Variants in FAM168B observed in about 807,000 individuals in gnomAD.
FAM168B encodes family with sequence similarity 168 member B, also known as myelin-associated neurite-outgrowth inhibitor.
A neutral mutation model predicts 21.8 loss-of-function variants in FAM168B; 19 were observed. The ratio of observed to expected loss-of-function variants is 0.87; its 90% CI spans 0.61 to 1.28. The LOEUF is 1.28. Ranked by LOEUF, FAM168B falls within the 50% of genes most tolerant of loss-of-function variation. The probability of loss-of-function intolerance (pLI) is 0.00; values close to 1 mark genes in which losing one functional copy is unlikely to be tolerated. For missense variants in FAM168B, 233 were observed against 263.1 expected, an observed-to-expected ratio of 0.89 and a Z score of 0.79; for synonymous variants, 126 against 104.8, an observed-to-expected ratio of 1.20 and a Z score of -1.24.
At chr2:131,057,684 T>C (rs935449466) in intron 3 of FAM168B, among the ~76,000 whole-genome samples, 1 of 152,196 alleles carries the variant, frequency 6.6e-6, no homozygotes, top group African/African-American at 2.4e-5. Context: ...AGGTCAACGC[T>C]GCAGTGAGCT....
chr2:131,050,630 A>C lies in FAM168B; in HGVS notation c.*1835T>G. ...CAATGATCCATGCAAAAATATTCCT[A>C]AACTTCTTATAAAATAAGATGTGAA... On this transcript the variant is annotated 3_prime_UTR_variant, in exon 7 of 7. Transcript: ENST00000389915. 1.0e-6 allele frequency: 1 copy of C among 985,290 alleles called. No homozygotes were observed. Among genetic ancestry groups the C allele is most frequent in the Non-Finnish European group, 1.2e-6 (1 of 829,544 alleles). 61.0% of individuals were successfully genotyped at this position (985,290 alleles called of 1,614,324 possible).
intron 6 of FAM168B, 49 bp downstream of exon 6, chr2:131,052,842 G>A (rs1307561130): frequency 9.1e-6 from 14 of 1,540,344 alleles, no homozygotes; most frequent in Non-Finnish European, 1.2e-5. Context: ...ACTGTCCCAT[G>A]GAAATGCCCT....
At position 131,055,636 on chromosome 2, in the gene FAM168B, G is replaced by T; in HGVS notation, c.214C>A (p.Pro72Thr). The T allele has an allele frequency of 6.2e-7, 1 of 1,613,192 alleles. No individual in the cohort carries two copies. The highest frequency in any genetic ancestry group is 8.5e-7 in the Non-Finnish European group (1 of 1,179,592). The change falls in exon 4 of 7, where the codon CCG (proline) becomes ACG (threonine). Residue 72 changes from proline to threonine, a missense_variant. By Grantham distance (38) the Pro-to-Thr change is conservative. Transcript: ENST00000389915. ...SCSPTSGAVP[P>T]YSSSPNPYQT... is the part of the protein sequence containing the mutation. ...TAGGGGTTCGGGGAGGAGGAGTACG[G>T]TGGCACAGCCCCGCTGGTGGGGGAA...
intron 3 of FAM168B, 124 bp downstream of exon 3, chr2:131,071,731 A>C (rs1692879440): frequency 1.3e-6 from 1 of 797,788 alleles, no homozygotes; most frequent in Non-Finnish European, 2.1e-6. Flanking sequence ...CAACAGGCTA[A>C]CTTAATGAAC....
chr2:131,048,561 A>G lies in FAM168B; in HGVS notation c.*3904T>C. The G allele has an allele frequency of 9.0e-7, 1 of 1,111,968 alleles. No homozygotes were observed. The highest frequency in any genetic ancestry group is 1.1e-6 in the Non-Finnish European group (1 of 898,140). The allele number at this position is 1,111,968 out of a possible 1,614,324, so 68.9% of individuals were successfully genotyped here. ...AAGAGACAAACTTTCTGAAACATGC[A>G]GTTTCCGACCCAAATAGGCCACATA... On this transcript the variant is annotated 3_prime_UTR_variant, in exon 7 of 7. Transcript: ENST00000389915.
At chr2:131,088,426 G>A (rs1052107974) in intron 1 of FAM168B, among the ~76,000 whole-genome samples, 13 of 151,902 alleles carry the variant, frequency 8.6e-5, no homozygotes, top group Admixed American at 3.9e-4. Flanking sequence ...GGAAAAGGGG[G>A]CGGGAGAGGA....
intron 2 of FAM168B, among the ~76,000 whole-genome samples, chr2:131,078,421 T>G (rs574814760): frequency 3.7e-4 from 56 of 152,120 alleles, no homozygotes; most frequent in Non-Finnish European, 7.2e-4. Flanking sequence ...TAAAACAGGG[T>G]GCAAGAGACA....
chr2:131,088,755 AATC>A (rs1473431832), intron 1 of FAM168B, among the ~76,000 whole-genome samples: 1 of 152,244 alleles, frequency 6.6e-6, no homozygotes, highest in Non-Finnish European at 1.5e-5. Context: ...AAATGCTAAT[AATC>A]TTTACATCAA....
At position 131,069,357 on chromosome 2, in the gene FAM168B, C is replaced by T. The variant is rs1169611036; in HGVS notation, c.154+2498G>A. ...ATACGTATGCCAAAGATATAAACTT[C>T]AATCCATTCCTACCATCATACACAA... On this transcript the variant is annotated intron_variant, in intron 3 of 6. Transcript: ENST00000389915. 1.3e-5 allele frequency among the ~76,000 whole-genome samples: 2 copies of T among 152,234 alleles called. 1 individual carries two copies. The highest frequency in any genetic ancestry group is 3.8e-4 in the East Asian group (2 of 5,200).
At chr2:131,058,144 T>C (rs945584803) in intron 3 of FAM168B, among the ~76,000 whole-genome samples, 1 of 152,168 alleles carries the variant, frequency 6.6e-6, no homozygotes, top group African/African-American at 2.4e-5. Context: ...GCCTGGTCCA[T>C]ATATTTTGTT....
intron 2 of FAM168B, among the ~76,000 whole-genome samples, chr2:131,074,380 G>A (rs899858664): frequency 1.3e-5 from 2 of 152,086 alleles, no homozygotes; most frequent in African/African-American, 2.4e-5. Context: ...GCCCTCCTCG[G>A]CCTCCCAAAG....
intron 6 of FAM168B, 115 bp from the exon 7 acceptor site, chr2:131,052,567 T>G: frequency 1.2e-6 from 1 of 858,570 alleles, no homozygotes; most frequent in Non-Finnish European, 1.5e-6. Flanking sequence ...TGGGCAAAAC[T>G]GCTGGACCTG....
At chr2:131,077,212 T>TAAAAAAAAA in intron 2 of FAM168B, among the ~76,000 whole-genome samples, 1 of 130,280 alleles carries the variant, frequency 7.7e-6, no homozygotes. Flanking sequence ...CTATTACATT[T>TAAAAAAAAA]AAAAAAAAAA....
At position 131,051,578 on chromosome 2, in the gene FAM168B, T is replaced by G; in HGVS notation, c.*887A>C. 1.0e-6 allele frequency: 1 copy of G among 985,198 alleles called. No individual in the cohort carries two copies. The highest frequency in any genetic ancestry group is 1.2e-6 in the Non-Finnish European group (1 of 829,892). 61.0% of individuals were successfully genotyped at this position (985,198 alleles called of 1,614,324 possible). ...CTGTTTCTCTTTCACATTTCTTCCA[T>G]CCCAGGAAAATAATTTAGTTTTACA... is the stretch of plus-strand genomic sequence containing the variant. On this transcript the variant is annotated 3_prime_UTR_variant, in exon 7 of 7. Coordinates refer to ENST00000389915, the MANE Select transcript of FAM168B (RefSeq NM_001009993.4).
intron 3 of FAM168B, among the ~76,000 whole-genome samples, chr2:131,063,198 G>A (rs11679668): frequency 6.6e-6 from 1 of 151,868 alleles, no homozygotes; most frequent in African/African-American, 2.4e-5. Context: ...TAGAATCTTA[G>A]CAGTCCATAT....
rs1434253082 is a variant in FAM168B, at chr2:131,049,132, A to G, written c.*3333T>C. The G allele has an allele frequency of 1.0e-6, 1 of 985,360 alleles. No individual in the cohort carries two copies. Among genetic ancestry groups the G allele is most frequent in the Non-Finnish European group, 1.2e-6 (1 of 829,964 alleles). The allele number at this position is 985,360 out of a possible 1,614,324, so 61.0% of individuals were successfully genotyped here. On this transcript the variant is annotated 3_prime_UTR_variant, in exon 7 of 7. Transcript: ENST00000389915. The stretch of plus-strand genomic sequence containing the variant: ...ACGGGGGCCAACACTGACAGGTATT[A>G]GTACGTCGCAAGTTGCTGTAATAAT...
At chr2:131,065,646 C>T (rs1206182720) in intron 3 of FAM168B, among the ~76,000 whole-genome samples, 2 of 151,648 alleles carry the variant, frequency 1.3e-5, no homozygotes, top group African/African-American at 4.8e-5. Context: ...AAAAATTAGC[C>T]GGCGTGGTGG....
At position 131,071,886 on chromosome 2, in the gene FAM168B, CAT is replaced by C; in HGVS notation, c.121_122del (p.Met41ValfsTer99). ...AAAAPAYSPN[M>X]YPGANPTFQT... The stretch of plus-strand genomic sequence containing the variant: ...GGAAGGTAGGATTCGCTCCAGGATA[CAT>C]GTTAGGAGAATAGGCAGGAGCTGCT... On this transcript the variant is annotated frameshift_variant, in exon 3 of 7. Transcript: ENST00000389915. LOFTEE classifies it high-confidence loss of function. 2 of 1,614,040 alleles carry C rather than the reference CAT, an allele frequency of 1.2e-6. No individual in the cohort carries two copies. The highest frequency in any genetic ancestry group is 1.7e-6 in the Non-Finnish European group (2 of 1,179,940).
At chr2:131,064,571 C>T (rs768678593) in intron 3 of FAM168B, among the ~76,000 whole-genome samples, 2 of 152,186 alleles carry the variant, frequency 1.3e-5, no homozygotes, top group Non-Finnish European at 2.9e-5. Context: ...ATCCAGACAA[C>T]CATCAACGAA....
Sources: gnomAD v4.1 joint callset for allele counts (sites outside exome capture counted in the v4.1 genomes callset) on GRCh38, gnomAD v4.1.1 for gene constraint, MANE v1.5 for transcripts, NCBI Gene and HGNC (gene_info 2026-07-23, HGNC 2026-07-21) for gene names.